Variants in MGAM2 observed in about 807,000 individuals in gnomAD.
The protein encoded by MGAM2 is maltase-glucoamylase 2 (putative).
MGAM2 carries 98 observed loss-of-function variants against 96.1 expected under a neutral mutation model. The ratio of observed to expected loss-of-function variants is 1.02; its 90% CI spans 0.87 to 1.21. The LOEUF is 1.21. Among genes scored for constraint, MGAM2 ranks in the 50% most tolerant of loss-of-function variants. The probability of loss-of-function intolerance (pLI) is 0.00; values close to 1 mark genes in which losing one functional copy is unlikely to be tolerated. For missense variants in MGAM2, 2,055 were observed against 1,182.4 expected (o/e 1.74, Z -10.82); for synonymous variants, 749 against 414.8 (o/e 1.81, Z -9.79).
At chr7:142,157,433 C>T (rs973305743) in intron 17 of MGAM2, among the ~76,000 whole-genome samples, 1 of 151,062 alleles carries the variant, frequency 6.6e-6, no homozygotes, top group African/African-American at 2.4e-5. Flanking sequence ...CATTCTGTTG[C>T]CAGTTTGGAG....
At chr7:142,180,372 A>G (rs1193946307) in intron 32 of MGAM2, among the ~76,000 whole-genome samples, 1 of 150,822 alleles carries the variant, frequency 6.6e-6, no homozygotes, top group African/African-American at 2.4e-5. Context: ...GATTATGATC[A>G]TTTATTTTCT....
intron 32 of MGAM2, among the ~76,000 whole-genome samples, chr7:142,180,353 C>T (rs576775057): frequency 9.9e-5 from 15 of 152,072 alleles, no homozygotes; most frequent in African/African-American, 3.6e-4. Context: ...TTTTGTTTAG[C>T]TCTGCTCTGA....
chr7:142,114,200 A>AAG lies in MGAM2; in HGVS notation c.-1+2395_-1+2396dup, dbSNP rs1256608272. 2.2e-5 allele frequency among the ~76,000 whole-genome samples: 3 copies of AAG among 139,268 alleles called. 1 individual carries two copies. The highest frequency in any genetic ancestry group is 4.5e-5 in the Non-Finnish European group (3 of 66,186). The allele number at this position is 139,268 out of a possible 152,430, so 91.4% of individuals were successfully genotyped here. A position where few individuals can be genotyped will look rare whatever the true frequency, so the allele number is the denominator to read the frequency against. ...AAAGAAAGAAAGAAAGAAAGAAAGAAAGAAAGAAAGAAAGAGAGAAAGAAA... is the reference window on the plus strand; with the variant it reads ...AAAGAAAGAAAGAAAGAAAGAAAGAAAGAGAAAGAAAGAAAGAGAGAAAGAAA... On this transcript the variant is annotated intron_variant, in intron 1 of 47. Coordinates refer to ENST00000477922, the MANE Select transcript of MGAM2 (RefSeq NM_001293626.2).
At chr7:142,141,733 C>T (rs1795236879) in intron 12 of MGAM2, among the ~76,000 whole-genome samples, 1 of 152,104 alleles carries the variant, frequency 6.6e-6, no homozygotes, top group Non-Finnish European at 1.5e-5. Context: ...CTCCTGACCT[C>T]AGGTGATTTG....
chr7:142,118,346 A>G (rs749123480), intron 2 of MGAM2, among the ~76,000 whole-genome samples: 20 of 152,218 alleles, frequency 1.3e-4, no homozygotes, highest in Non-Finnish European at 2.5e-4. Flanking sequence ...GCAGGAATCC[A>G]GTTTTAAGAC....
intron 37 of MGAM2, among the ~76,000 whole-genome samples, chr7:142,190,848 G>C (rs1417392447): frequency 6.6e-6 from 1 of 151,638 alleles, no homozygotes; most frequent in Non-Finnish European, 1.5e-5. Context: ...TTATTATTGA[G>C]TTGTGGCCAG....
At position 142,189,524 on chromosome 7, in the gene MGAM2, C is replaced by T; in HGVS notation, c.4346+19C>T. ...CATACGAGTGAGTGTCTTTTTGTCA[C>T]AGCAGCAAAGATAATTTTCCACATC... On this transcript the variant is annotated intron_variant, in intron 37 of 47. Transcript: ENST00000477922. 1.4e-6 allele frequency: 1 copy of T among 719,870 alleles called. No individual in the cohort carries two copies. The highest frequency in any genetic ancestry group is 2.4e-5 in the Admixed American group (1 of 41,708). 44.6% of individuals were successfully genotyped at this position (719,870 alleles called of 1,614,324 possible).
chr7:142,144,767 C>T, intron 13 of MGAM2, 94 bp from the exon 14 acceptor site: 1 of 577,476 alleles, frequency 1.7e-6, no homozygotes, highest in Non-Finnish European at 3.1e-6. Flanking sequence ...GATAAGGGAC[C>T]CAGATATCCT....
chr7:142,153,530 A>C (rs192755572), intron 15 of MGAM2, among the ~76,000 whole-genome samples: 2 of 152,320 alleles, frequency 1.3e-5, no homozygotes, highest in Admixed American at 6.5e-5. Flanking sequence ...TAAGTTCTGA[A>C]GTTTCAGAGG....
At chr7:142,112,967 C>T (rs1011545033) in intron 1 of MGAM2, among the ~76,000 whole-genome samples, 11 of 152,282 alleles carry the variant, frequency 7.2e-5, no homozygotes, top group African/African-American at 2.4e-4. Context: ...TTCCTAAATG[C>T]CTGTTGGCAA....
intron 28 of MGAM2, 136 bp downstream of exon 28, chr7:142,171,576 A>T (rs1796186864): frequency 2.3e-6 from 1 of 426,992 alleles, no homozygotes. Flanking sequence ...GTAATAGAGC[A>T]CGTGTCACAT....
intron 32 of MGAM2, among the ~76,000 whole-genome samples, chr7:142,181,169 G>A (rs1408417943): frequency 6.6e-6 from 1 of 152,282 alleles, no homozygotes; most frequent in Admixed American, 6.5e-5. Flanking sequence ...GAGGGCAGAT[G>A]TTCCTTTATC....
Position 142,170,173 on chromosome 7 carries a change from G to A in MGAM2, c.3126G>A (p.Arg1042=). The change falls in exon 27 of 48, where the codon AGG becomes AGA. Residue 1042 remains arginine (R), a synonymous_variant. Coordinates refer to ENST00000477922, the MANE Select transcript of MGAM2 (RefSeq NM_001293626.2). ...CTGAAAACCGTCTGTATGATGTCAG[G>A]ATTCAGAACAATCCTTTTGGAATCC... ...GDPENRLYDV[R]IQNNPFGIQI... 1 of 702,756 alleles carries A rather than the reference G, an allele frequency of 1.4e-6. No individual in the cohort carries two copies. Among genetic ancestry groups the A allele is most frequent in the Non-Finnish European group, 2.6e-6 (1 of 384,854 alleles). 43.5% of individuals were successfully genotyped at this position (702,756 alleles called of 1,614,324 possible).
In MGAM2 at chr7:142,114,216, G is replaced by GAAAGAGAGAAAGAA. The variant is rs1554499599; in HGVS notation, c.-1+2410_-1+2411insAAGAGAGAAAGAAA. The stretch of plus-strand genomic sequence containing the variant: ...AAAGAAAGAAAGAAAGAAAGAAAGA[G>GAAAGAGAGAAAGAA]AGAAAGAAAGAAAGAAATAGGAGAC... On this transcript the variant is annotated intron_variant, in intron 1 of 47. Coordinates refer to ENST00000477922, the MANE Select transcript of MGAM2 (RefSeq NM_001293626.2). Among the ~76,000 whole-genome samples, 9 of 68,034 alleles carry GAAAGAGAGAAAGAA rather than the reference G, an allele frequency of 1.3e-4. 1 individual carries two copies. Among genetic ancestry groups the GAAAGAGAGAAAGAA allele is most frequent in the Admixed American group, 4.9e-4 (3 of 6,150 alleles). The allele number at this position is 68,034 out of a possible 152,430, so 44.6% of individuals were successfully genotyped here. A position where few individuals can be genotyped will look rare whatever the true frequency, so the allele number is the denominator to read the frequency against.
chr7:142,172,948 G>A (rs895860574), intron 30 of MGAM2, among the ~76,000 whole-genome samples, 184 bp downstream of exon 30: 2 of 152,028 alleles, frequency 1.3e-5, no homozygotes, highest in Non-Finnish European at 2.9e-5. Context: ...TATCCCATGT[G>A]TCCCTCACTT....
Position 142,172,704 on chromosome 7 carries a change from T to A in MGAM2, c.3501T>A (p.Ile1167=), listed in dbSNP as rs569385215. Residue 1167 remains isoleucine (I), a synonymous_variant, in exon 30 of 48, where the codon ATT becomes ATA. Coordinates refer to ENST00000477922, the MANE Select transcript of MGAM2 (RefSeq NM_001293626.2). ...TGACATACCGCACCACAGGAGGGATTTTGGACTTCTACATTGTTTTGGGGC... is the reference window on the plus strand; with the variant it reads ...TGACATACCGCACCACAGGAGGGATATTGGACTTCTACATTGTTTTGGGGC... ...PALTYRTTGG[I]LDFYIVLGPT... 1.4e-6 allele frequency: 1 copy of A among 705,084 alleles called. No homozygotes were observed. The highest frequency in any genetic ancestry group is 2.7e-5 in the East Asian group (1 of 37,560). The allele number at this position is 705,084 out of a possible 1,614,324, so 43.7% of individuals were successfully genotyped here.
At chr7:142,114,186 GA>G (rs1209479790) in intron 1 of MGAM2, among the ~76,000 whole-genome samples, 3 of 132,086 alleles carry the variant, frequency 2.3e-5, no homozygotes, top group Non-Finnish European at 4.7e-5. Context: ...AAGAAAGAAA[GA>G]AAGAAAGAAA....
intron 12 of MGAM2, among the ~76,000 whole-genome samples, chr7:142,142,602 C>T (rs1247022877): frequency 7.0e-6 from 1 of 142,964 alleles, no homozygotes; most frequent in Admixed American, 7.4e-5. Context: ...ACGATCTCAG[C>T]TCACTGCAAC....
At position 142,172,195 on chromosome 7, in the gene MGAM2, G is replaced by A; in HGVS notation, c.3448+1G>A. 2 of 712,586 alleles carry A rather than the reference G, an allele frequency of 2.8e-6. No individual in the cohort carries two copies. The highest frequency in any genetic ancestry group is 5.1e-6 in the Non-Finnish European group (2 of 390,054). The allele number at this position is 712,586 out of a possible 1,614,324, so 44.1% of individuals were successfully genotyped here. A position where few individuals can be genotyped will look rare whatever the true frequency, so the allele number is the denominator to read the frequency against. On this transcript the variant is annotated splice_donor_variant, in intron 29 of 47. Coordinates refer to ENST00000477922, the MANE Select transcript of MGAM2 (RefSeq NM_001293626.2). LOFTEE classifies it high-confidence loss of function. ...CTCCTGCTAAATAGCAATGCCATGG[G>A]TAAGGCATAGGCACAGCTCCCATGC...
Sources: allele counts gnomAD v4.1 joint callset (sites outside exome capture counted in the v4.1 genomes callset), GRCh38; gene constraint gnomAD v4.1.1; transcripts MANE v1.5; gene names NCBI Gene and HGNC (gene_info 2026-07-23, HGNC 2026-07-21).